Variants in POU1F1 observed in about 807,000 individuals in gnomAD.
The protein encoded by POU1F1 is pituitary-specific positive transcription factor 1.
POU1F1 carries 23 observed loss-of-function variants against 32.3 expected under a neutral mutation model. That is an observed-to-expected ratio of 0.71 (90% CI 0.51 to 1.01). POU1F1 has a LOEUF of 1.01. Ranked by LOEUF, POU1F1 falls within the 50% of genes least tolerant of loss-of-function variation. POU1F1 has a pLI of 0.00. For missense variants in POU1F1, 323 were observed against 341.6 expected (o/e 0.95, Z 0.43); for synonymous variants, 120 against 115.6 (o/e 1.04, Z -0.25).
At chr3:87,269,802 C>T (rs887092807) in intron 2 of POU1F1, among the ~76,000 whole-genome samples, 1 of 151,178 alleles carries the variant, frequency 6.6e-6, no homozygotes, top group Non-Finnish European at 1.5e-5. Context: ...GTTTTGTTTT[C>T]CCCTTGAAAT....
chr3:87,269,356 C>G (rs1262317218), intron 2 of POU1F1, among the ~76,000 whole-genome samples: 1 of 152,110 alleles, frequency 6.6e-6, no homozygotes, highest in Admixed American at 6.6e-5. Flanking sequence ...TATTTACTGT[C>G]TGGTTCTTTA....
chr3:87,266,650 A>G (rs9824592), intron 2 of POU1F1, among the ~76,000 whole-genome samples: 1 of 151,374 alleles, frequency 6.6e-6, no homozygotes, highest in Non-Finnish European at 1.5e-5. Context: ...TTGATCAGAC[A>G]AGAGAACATT....
chr3:87,270,939 A>G (rs910050933), intron 2 of POU1F1, among the ~76,000 whole-genome samples: 19 of 152,110 alleles, frequency 1.2e-4, no homozygotes, highest in African/African-American at 4.6e-4. Context: ...CATTTAAAGC[A>G]TATCACATTT....
rs1336553173 is a variant in POU1F1, at chr3:87,259,808, T to C, written c.*86A>G. On this transcript the variant is annotated 3_prime_UTR_variant, in exon 6 of 6. Coordinates refer to ENST00000350375, the MANE Select transcript of POU1F1 (RefSeq NM_000306.4). ...TAAAAGCTATTGATATAAAATGATT[T>C]TAAGTCAACCAAGTAATTTCTGTTT... The C allele has an allele frequency of 1.7e-6, 2 of 1,175,094 alleles. No homozygotes were observed. Among genetic ancestry groups the C allele is most frequent in the Non-Finnish European group, 2.5e-6 (2 of 804,804 alleles). The allele number at this position is 1,175,094 out of a possible 1,614,324, so 72.8% of individuals were successfully genotyped here. A position where few individuals can be genotyped will look rare whatever the true frequency, so the allele number is the denominator to read the frequency against.
intron 2 of POU1F1, 39 bp from the exon 3 acceptor site, chr3:87,264,551 T>A (rs1279457310): frequency 6.8e-7 from 1 of 1,463,468 alleles, no homozygotes; most frequent in South Asian, 1.1e-5. Flanking sequence ...AAAGACCATT[T>A]GTCATTCTCC....
At chr3:87,260,129 T>A (rs779318455) in intron 5 of POU1F1, 25 bp from the exon 6 acceptor site, 1 of 1,593,152 alleles carries the variant, frequency 6.3e-7, no homozygotes, top group South Asian at 1.1e-5. Context: ...ACATAGGGGG[T>A]GAAATTTTGT....
chr3:87,272,135 G>T (rs1706738281), intron 2 of POU1F1, among the ~76,000 whole-genome samples: 1 of 150,804 alleles, frequency 6.6e-6, no homozygotes, highest in African/African-American at 2.4e-5. Flanking sequence ...AATTAGAAAA[G>T]ATTTCCCTAA....
chr3:87,268,081 T>TC (rs201267084), intron 2 of POU1F1, among the ~76,000 whole-genome samples: 4,933 of 134,254 alleles, frequency 0.037, 214 homozygotes, highest in Middle Eastern at 0.072. Flanking sequence ...TTTTTCCCTT[T>TC]CCCTTTTTTT....
intron 5 of POU1F1, 92 bp downstream of exon 5, chr3:87,261,181 T>C (rs963598907): frequency 2.9e-5 from 28 of 965,708 alleles, no homozygotes; most frequent in Non-Finnish European, 3.9e-5. Context: ...CTTACATTTA[T>C]ATGTTATGTT....
chr3:87,265,554 T>A (rs1396767592), intron 2 of POU1F1, among the ~76,000 whole-genome samples: 4 of 152,022 alleles, frequency 2.6e-5, no homozygotes, highest in Non-Finnish European at 5.9e-5. Context: ...CTACTTCAAT[T>A]TATATTAAAT....
At chr3:87,273,325 T>C (rs925172228) in intron 2 of POU1F1, 22 bp downstream of exon 2, 2 of 1,602,978 alleles carry the variant, frequency 1.2e-6, no homozygotes, top group Non-Finnish European at 1.7e-6. Flanking sequence ...TTCAATAACA[T>C]GTAAAAGACA....
chr3:87,271,828 A>G (rs774951571), intron 2 of POU1F1, among the ~76,000 whole-genome samples: 31 of 152,312 alleles, frequency 2.0e-4, no homozygotes, highest in South Asian at 4.1e-4. Flanking sequence ...GTCAGGATTT[A>G]CAGGTCATTG....
intron 5 of POU1F1, 59 bp downstream of exon 5, chr3:87,261,214 C>G: frequency 1.6e-6 from 2 of 1,215,202 alleles, no homozygotes; most frequent in South Asian, 2.6e-5. Flanking sequence ...CACTCAAATG[C>G]TCATTCCATT....
intron 1 of POU1F1, 90 bp downstream of exon 1, chr3:87,276,231 T>A (rs1175568451): frequency 2.0e-6 from 3 of 1,486,788 alleles, no homozygotes; most frequent in Admixed American, 1.7e-5. Context: ...AAATGAAAGA[T>A]GCAAAGAGAT....
intron 1 of POU1F1, among the ~76,000 whole-genome samples, chr3:87,273,802 C>T (rs1231656083): frequency 2.0e-5 from 3 of 152,128 alleles, no homozygotes; most frequent in African/African-American, 7.2e-5. Flanking sequence ...CTGTTCAATG[C>T]AGACATTGCA....
intron 2 of POU1F1, among the ~76,000 whole-genome samples, chr3:87,271,535 T>C (rs1706720005): frequency 6.6e-6 from 1 of 152,126 alleles, no homozygotes; most frequent in Admixed American, 6.6e-5. Flanking sequence ...TCCTGGGAGT[T>C]CCTCTAAATG....
chr3:87,264,708 C>T (rs1706584887), intron 2 of POU1F1, among the ~76,000 whole-genome samples, 196 bp from the exon 3 acceptor site: 1 of 152,086 alleles, frequency 6.6e-6, no homozygotes, highest in South Asian at 2.1e-4. Flanking sequence ...TGTCTTCTAC[C>T]TTCTCCAGAG....
intron 2 of POU1F1, among the ~76,000 whole-genome samples, chr3:87,272,782 A>T (rs1453465237): frequency 6.6e-6 from 1 of 152,168 alleles, no homozygotes; most frequent in Non-Finnish European, 1.5e-5. Flanking sequence ...AGCCCCTACC[A>T]ATCACTCTTA....
In POU1F1 at chr3:87,264,995, A is replaced by C. The variant is rs376173893; in HGVS notation, c.215-483T>G. Among the ~76,000 whole-genome samples the C allele has an allele frequency of 9.2e-5, 14 of 152,244 alleles. 1 individual carries two copies. The East Asian group carries it at 2.3e-3, about 25-fold the overall frequency. ...GCTGAGAAGTTTTCTTGTGATTGGG[A>C]AATTGATTTCACAATATAAAAACGC... On this transcript the variant is annotated intron_variant, in intron 2 of 5. Coordinates refer to ENST00000350375, the MANE Select transcript of POU1F1 (RefSeq NM_000306.4).
Sources: gnomAD v4.1 joint callset for allele counts (sites outside exome capture counted in the v4.1 genomes callset) on GRCh38, gnomAD v4.1.1 for gene constraint, MANE v1.5 for transcripts, NCBI Gene and HGNC (gene_info 2026-07-23, HGNC 2026-07-21) for gene names.